RBM47: variants seen among roughly 807,000 people sequenced by gnomAD.
RBM47 encodes the protein RNA binding motif protein 47.
In RBM47, 21 loss-of-function variants were observed where a neutral mutation model predicts 47.1. The observed-to-expected ratio is 0.45, with a 90% CI of 0.32 to 0.64. RBM47 has a LOEUF of 0.64. Ranked by LOEUF, RBM47 falls within the 30% of genes least tolerant of loss-of-function variation. RBM47 has a pLI of 0.05. For synonymous variants in RBM47, 375 were observed against 361.7 expected (o/e 1.04, Z -0.42); for missense variants, 708 against 870.9 (o/e 0.81, Z 2.35).
chr4:40,476,824 TA>T (rs1719670651), intron 2 of RBM47, among the ~76,000 whole-genome samples: 1 of 152,170 alleles, frequency 6.6e-6, no homozygotes, highest in African/African-American at 2.4e-5. Context: ...TAACTCCTCC[TA>T]AAACAAAAAT....
In RBM47 at chr4:40,491,123, G is replaced by A. The variant is rs536530400; in HGVS notation, c.-154-24424C>T. 9.2e-5 allele frequency among the ~76,000 whole-genome samples: 14 copies of A among 152,238 alleles called. No individual in the cohort carries two copies. The South Asian group carries it at 2.9e-3, about 32-fold the overall frequency. On this transcript the variant is annotated intron_variant, in intron 2 of 6. Coordinates refer to ENST00000295971, the MANE Select transcript of RBM47 (RefSeq NM_001098634.2). ...GGCAGCGTGGTACTGGCATAAGGATGGCCATAGGACAATAGATTCGAAATG... is the reference window on the plus strand; with the variant it reads ...GGCAGCGTGGTACTGGCATAAGGATAGCCATAGGACAATAGATTCGAAATG...
intron 3 of RBM47, among the ~76,000 whole-genome samples, chr4:40,452,556 G>A (rs945556890): frequency 6.6e-6 from 1 of 152,154 alleles, no homozygotes; most frequent in Non-Finnish European, 1.5e-5. Context: ...ACAAGAGACC[G>A]AAAACTCAGG....
At chr4:40,529,170 G>C (rs898747393) in intron 2 of RBM47, among the ~76,000 whole-genome samples, 2 of 151,808 alleles carry the variant, frequency 1.3e-5, no homozygotes, top group African/African-American at 4.8e-5. Context: ...GACTTACAAT[G>C]GGCTACTTTC....
At chr4:40,576,391 G>T (rs1732343315) in intron 1 of RBM47, among the ~76,000 whole-genome samples, 1 of 151,824 alleles carries the variant, frequency 6.6e-6, no homozygotes, top group Non-Finnish European at 1.5e-5. Context: ...CCTAGCCTGA[G>T]CAACATAGCA....
chr4:40,437,747 C>A, intron 4 of RBM47, 24 bp downstream of exon 4: 1 of 1,577,500 alleles, frequency 6.3e-7, no homozygotes, highest in South Asian at 1.1e-5. Flanking sequence ...GGGGGCCCCA[C>A]CCAGGAGAAG....
At chr4:40,570,879 G>T (rs4536974) in intron 1 of RBM47, among the ~76,000 whole-genome samples, 1 of 152,032 alleles carries the variant, frequency 6.6e-6, no homozygotes, top group African/African-American at 2.4e-5. Context: ...AACTAACAGA[G>T]GAAACAGTGG....
intron 2 of RBM47, among the ~76,000 whole-genome samples, chr4:40,528,386 C>T (rs552655877): frequency 2.8e-4 from 42 of 147,408 alleles, no homozygotes; most frequent in African/African-American, 9.4e-4. Flanking sequence ...TGCAGCCTGG[C>T]GACAGAGTGA....
intron 5 of RBM47, among the ~76,000 whole-genome samples, chr4:40,435,410 A>G (rs1712171248): frequency 6.6e-6 from 1 of 152,066 alleles, no homozygotes; most frequent in East Asian, 1.9e-4. Context: ...TTAGCCAGGC[A>G]TGGTGGTGCG....
At chr4:40,456,291 A>G (rs918697226) in intron 3 of RBM47, among the ~76,000 whole-genome samples, 18 of 152,194 alleles carry the variant, frequency 1.2e-4, no homozygotes, top group Admixed American at 3.9e-4. Flanking sequence ...CGGGCATAAT[A>G]TTCTTAGAAA....
intron 2 of RBM47, among the ~76,000 whole-genome samples, chr4:40,499,917 T>G (rs1232506128): frequency 6.6e-6 from 1 of 152,200 alleles, no homozygotes; most frequent in Non-Finnish European, 1.5e-5. Flanking sequence ...CTCTATAAAC[T>G]TTTTTTAGCA....
intron 2 of RBM47, among the ~76,000 whole-genome samples, chr4:40,505,948 C>A (rs898843997): frequency 6.6e-6 from 1 of 152,014 alleles, no homozygotes; most frequent in African/African-American, 2.4e-5. Flanking sequence ...TCATTTTATG[C>A]AGCAAATAAA....
intron 1 of RBM47, among the ~76,000 whole-genome samples, chr4:40,610,724 C>T (rs1560504431): frequency 6.6e-6 from 1 of 152,126 alleles, no homozygotes; most frequent in East Asian, 1.9e-4. Context: ...CCAGAATTCC[C>T]ATGTGGTGTG....
chr4:40,568,984 A>AAGATAGATAGATAGAT lies in RBM47; in HGVS notation c.-239-24494_-239-24479dup, dbSNP rs60078594. On this transcript the variant is annotated intron_variant, in intron 1 of 6. Transcript: ENST00000295971. ...CGACAATAGTGAGACTCTGTCTCAA[A>AAGATAGATAGATAGAT]AGATAGATAGATAGATAGATAGATA... Among the ~76,000 whole-genome samples, 1,315 of 145,218 alleles carry AAGATAGATAGATAGAT rather than the reference A, an allele frequency of 9.1e-3. 21 individuals are homozygous for AAGATAGATAGATAGAT. The highest frequency in any genetic ancestry group is 0.025 in the African/African-American group (917 of 37,272).
chr4:40,507,411 A>G (rs79774898), intron 2 of RBM47, among the ~76,000 whole-genome samples: 1,875 of 152,338 alleles, frequency 0.012, 42 homozygotes, highest in African/African-American at 0.043. Flanking sequence ...AAAAAAATTC[A>G]AAAATTGCTA....
intron 1 of RBM47, among the ~76,000 whole-genome samples, chr4:40,578,148 A>G (rs1732515830): frequency 6.6e-6 from 1 of 152,218 alleles, no homozygotes; most frequent in Non-Finnish European, 1.5e-5. Flanking sequence ...ATCAGGACGA[A>G]GAAATAACAC....
intron 1 of RBM47, among the ~76,000 whole-genome samples, chr4:40,547,728 C>A (rs1379590420): frequency 6.6e-6 from 1 of 152,162 alleles, no homozygotes; most frequent in Non-Finnish European, 1.5e-5. Flanking sequence ...CATGCTCTAT[C>A]CAAAGGTATC....
intron 1 of RBM47, among the ~76,000 whole-genome samples, chr4:40,578,113 A>G (rs1732510312): frequency 6.6e-6 from 1 of 152,238 alleles, no homozygotes; most frequent in Non-Finnish European, 1.5e-5. Context: ...AACAGAAACT[A>G]AGTTGTTGTC....
intron 2 of RBM47, among the ~76,000 whole-genome samples, chr4:40,508,329 C>G (rs746645480): frequency 1.3e-5 from 2 of 152,192 alleles, no homozygotes; most frequent in Non-Finnish European, 2.9e-5. Context: ...TTAGCAAATA[C>G]ACTCCCAGAA....
At chr4:40,467,447 G>A (rs778021353) in intron 2 of RBM47, among the ~76,000 whole-genome samples, 35 of 151,912 alleles carry the variant, frequency 2.3e-4, no homozygotes, top group South Asian at 6.2e-4. Flanking sequence ...CCACCACCAC[G>A]CCTGGCTAAT....
Sources: gnomAD v4.1 joint callset for allele counts (sites outside exome capture counted in the v4.1 genomes callset) on GRCh38, gnomAD v4.1.1 for gene constraint, MANE v1.5 for transcripts, NCBI Gene and HGNC (gene_info 2026-07-23, HGNC 2026-07-21) for gene names.